The following ANKRD11 variants were observed in gnomAD, a reference collection of about 807,000 sequenced individuals.
ANKRD11 encodes the protein ankyrin repeat domain 11.
Under a neutral mutation model 195.7 loss-of-function variants are expected in ANKRD11, and 17 were observed. The ratio of observed to expected loss-of-function variants is 0.09; its 90% CI spans 0.06 to 0.13. The LOEUF (loss-of-function observed/expected upper bound fraction) is 0.13. Among genes scored for constraint, ANKRD11 ranks in the 10% least tolerant of loss-of-function variants. The pLI is 1.00. For synonymous variants in ANKRD11, 1,953 were observed against 1,528.1 expected, an observed-to-expected ratio of 1.28 and a Z score of -6.49; for missense variants, 3,735 against 3,566.1, an observed-to-expected ratio of 1.05 and a Z score of -1.21.
At chr16:89,369,495 T>C (rs1463599559) in intron 2 of ANKRD11, among the ~76,000 whole-genome samples, 2 of 152,226 alleles carry the variant, frequency 1.3e-5, no homozygotes, top group East Asian at 3.8e-4. Context: ...AGCTCTGCCG[T>C]ATCAGACACA....
chr16:89,313,506 G>A (rs2036740628), intron 3 of ANKRD11: 14 of 1,289,202 alleles, frequency 1.1e-5, no homozygotes, highest in Non-Finnish European at 1.3e-5. Context: ...GGTCAGCGCG[G>A]CATCAGGATG....
Position 89,330,932 on chromosome 16 carries a change from T to A in ANKRD11, c.-59-13854A>T, listed in dbSNP as rs143714493. Among the ~76,000 whole-genome samples the A allele has an allele frequency of 1.6e-3, 243 of 152,304 alleles. 3 individuals carry two copies. The East Asian group carries it at 0.044, about 27-fold the overall frequency. On this transcript the variant is annotated intron_variant, in intron 2 of 12. Transcript: ENST00000301030. ...TATGCCCTGAGGACAAAAATTAAAATTTTGAAAAATATTATAAGCAAAACA... is the reference window on the plus strand; with the variant it reads ...TATGCCCTGAGGACAAAAATTAAAAATTTGAAAAATATTATAAGCAAAACA...
At chr16:89,430,365 C>A (rs1341694334) in intron 1 of ANKRD11, among the ~76,000 whole-genome samples, 1 of 148,500 alleles carries the variant, frequency 6.7e-6, no homozygotes, top group East Asian at 2.0e-4. Context: ...AACTCTCACG[C>A]TCAGTCGTTC....
At chr16:89,463,670 AAAAT>A (rs1429033938) in intron 1 of ANKRD11, among the ~76,000 whole-genome samples, 12 of 152,032 alleles carry the variant, frequency 7.9e-5, no homozygotes, top group Admixed American at 5.2e-4. Flanking sequence ...TTATCAATAA[AAAAT>A]AAATAAATTA....
intron 2 of ANKRD11, among the ~76,000 whole-genome samples, chr16:89,395,299 C>A (rs1282661779): frequency 6.6e-6 from 1 of 152,238 alleles, no homozygotes; most frequent in Non-Finnish European, 1.5e-5. Context: ...TGGACTCTTT[C>A]CAGCTCCGTA....
At chr16:89,268,975 A>C (rs557917714) in intron 12 of ANKRD11, among the ~76,000 whole-genome samples, 1 of 152,348 alleles carries the variant, frequency 6.6e-6, no homozygotes, top group Admixed American at 6.5e-5. Context: ...ACTGCAGCTT[A>C]TTAGAATCGA....
intron 2 of ANKRD11, among the ~76,000 whole-genome samples, chr16:89,368,017 CAAAAAAA>C (rs1004666484): frequency 6.6e-6 from 1 of 151,922 alleles, no homozygotes; most frequent in African/African-American, 2.4e-5. Context: ...AAACAAAAAA[CAAAAAAA>C]GAAATTGTCC....
chr16:89,373,489 C>T (rs62068591), intron 2 of ANKRD11: 1 of 152,326 alleles, frequency 6.6e-6, no homozygotes, highest in Non-Finnish European at 1.5e-5. Flanking sequence ...CGTGCACGGC[C>T]TGAGTCACAG....
At chr16:89,440,927 C>T (rs191148930) in intron 1 of ANKRD11, among the ~76,000 whole-genome samples, 11 of 152,222 alleles carry the variant, frequency 7.2e-5, no homozygotes, top group Non-Finnish European at 1.5e-4. Flanking sequence ...GAGAGCGCAT[C>T]GTGGTTTATA....
chr16:89,441,783 A>AAAAAAAC (rs1555581878), intron 1 of ANKRD11, among the ~76,000 whole-genome samples: 1 of 138,870 alleles, frequency 7.2e-6, no homozygotes, highest in Non-Finnish European at 1.6e-5. Context: ...AAAAAAAAAA[A>AAAAAAAC]AAAAAAAAAA....
chr16:89,282,818 C>G lies in ANKRD11; in HGVS notation c.3724G>C (p.Ala1242Pro). The G allele has an allele frequency of 6.2e-7, 1 of 1,611,270 alleles. No individual in the cohort carries two copies. Reference sequence around the variant, plus strand: ...TCTTCGGCAGCGTGCTTCTTTTCAGCCTTCTCGGGGAGCTTCTGTTTATTT... The same window carrying G: ...TCTTCGGCAGCGTGCTTCTTTTCAGGCTTCTCGGGGAGCTTCTGTTTATTT... ...KKNKQKLPEKAEKKHAAEDKA... is the reference protein window; with the variant it reads ...KKNKQKLPEKPEKKHAAEDKA... The change falls in exon 9 of 13, where the codon GCT (alanine) becomes CCT (proline). Residue 1242 changes from alanine to proline, a missense_variant. By Grantham distance (27) the Ala-to-Pro change is conservative (BLOSUM62 -1). Transcript: ENST00000301030.
At chr16:89,457,857 AGGTACAT>A (rs1304320896) in intron 1 of ANKRD11, among the ~76,000 whole-genome samples, 1 of 152,226 alleles carries the variant, frequency 6.6e-6, no homozygotes, top group East Asian at 1.9e-4. Context: ...GAAGAAATCC[AGGTACAT>A]GTGAAACACA....
rs368730143 is a variant in ANKRD11, at chr16:89,471,379, A to G, written c.-145+18866T>C. Among the ~76,000 whole-genome samples, 333 of 152,258 alleles carry G rather than the reference A, an allele frequency of 2.2e-3. 2 individuals are homozygous for G. The highest frequency in any genetic ancestry group is 7.6e-3 in the African/African-American group (316 of 41,554). On this transcript the variant is annotated intron_variant, in intron 1 of 12. Coordinates refer to ENST00000301030, the MANE Select transcript of ANKRD11 (RefSeq NM_013275.6). ...CCACTCAGGAATTCACGAGACGGCA[A>G]GAACTCATCAAGTTACCCTGCAGCC...
intron 1 of ANKRD11, among the ~76,000 whole-genome samples, chr16:89,450,779 G>A (rs774371099): frequency 1.6e-4 from 25 of 152,176 alleles, no homozygotes; most frequent in Non-Finnish European, 2.9e-4. Context: ...TTACAGGCGT[G>A]AGCCACCATG....
At chr16:89,294,595 C>G (rs1022462038) in intron 4 of ANKRD11, among the ~76,000 whole-genome samples, 6 of 152,184 alleles carry the variant, frequency 3.9e-5, no homozygotes, top group African/African-American at 1.4e-4. Flanking sequence ...GAAAGCCCCA[C>G]CCACGGAGCG....
intron 1 of ANKRD11, among the ~76,000 whole-genome samples, chr16:89,466,336 G>A (rs1352524843): frequency 6.6e-6 from 1 of 152,170 alleles, no homozygotes; most frequent in East Asian, 1.9e-4. Flanking sequence ...CCAGTTGTCA[G>A]GGAAAGGGGG....
intron 9 of ANKRD11, chr16:89,278,513 G>A: frequency 2.2e-6 from 1 of 456,392 alleles, no homozygotes; most frequent in Non-Finnish European, 4.4e-6. Flanking sequence ...ATGATGCCTG[G>A]GGAACTGGGC....
intron 1 of ANKRD11, chr16:89,459,318 C>T (rs1165110443): frequency 6.2e-6 from 1 of 162,214 alleles, no homozygotes; most frequent in African/African-American, 2.4e-5. Flanking sequence ...TCAGACCCAT[C>T]TTCAAGTTAA....
chr16:89,393,773 T>C (rs982255284), intron 2 of ANKRD11, among the ~76,000 whole-genome samples: 1 of 152,130 alleles, frequency 6.6e-6, no homozygotes, highest in South Asian at 2.1e-4. Flanking sequence ...TTCTGGAATC[T>C]GGCAGAGCTC....
Sources: allele counts gnomAD v4.1 joint callset (sites outside exome capture counted in the v4.1 genomes callset), GRCh38; gene constraint gnomAD v4.1.1; transcripts MANE v1.5; gene names NCBI Gene and HGNC (gene_info 2026-07-23, HGNC 2026-07-21).